PRICKLE1: variants seen among roughly 807,000 people sequenced by gnomAD.
PRICKLE1 encodes the protein prickle planar cell polarity protein 1.
A neutral mutation model predicts 70.2 loss-of-function variants in PRICKLE1; 14 were observed. The observed-to-expected ratio is 0.20, with a 90% CI of 0.13 to 0.31. The LOEUF (loss-of-function observed/expected upper bound fraction) is 0.31, where lower values mean the gene tolerates loss of function less well. Ranked by LOEUF, PRICKLE1 falls within the 10% of genes least tolerant of loss-of-function variation. The pLI is 1.00. For missense variants in PRICKLE1, 821 were observed against 1,026.2 expected, an observed-to-expected ratio of 0.80 and a Z score of 2.73; for synonymous variants, 357 against 379.9, an observed-to-expected ratio of 0.94 and a Z score of 0.70.
intron 1 of PRICKLE1, among the ~76,000 whole-genome samples, chr12:42,501,852 T>A (rs932501023): frequency 1.3e-5 from 2 of 152,196 alleles, no homozygotes; most frequent in African/African-American, 4.8e-5. Flanking sequence ...ATTTAATTAA[T>A]AGTGGAATTA....
chr12:42,481,666 T>C (rs538824065), intron 1 of PRICKLE1, among the ~76,000 whole-genome samples: 1 of 152,340 alleles, frequency 6.6e-6, no homozygotes, highest in African/African-American at 2.4e-5. Context: ...AGACTACATA[T>C]GCAGGTGAAT....
At chr12:42,527,788 T>G (rs1015936236) in intron 1 of PRICKLE1, among the ~76,000 whole-genome samples, 3 of 151,666 alleles carry the variant, frequency 2.0e-5, no homozygotes, top group Non-Finnish European at 4.4e-5. Flanking sequence ...GAAAAAAAAT[T>G]CTTTAAATAA....
intron 1 of PRICKLE1, among the ~76,000 whole-genome samples, chr12:42,545,261 C>A (rs1341989675): frequency 6.6e-6 from 1 of 152,104 alleles, no homozygotes; most frequent in Non-Finnish European, 1.5e-5. Flanking sequence ...AGCTTCTTCC[C>A]CTCAAAGTGC....
intron 1 of PRICKLE1, chr12:42,489,989 A>T (rs1421699825): frequency 6.6e-6 from 1 of 152,158 alleles, no homozygotes; most frequent in Non-Finnish European, 1.5e-5. Flanking sequence ...TGACTTAGAG[A>T]CTTCGCATTC....
intron 1 of PRICKLE1, among the ~76,000 whole-genome samples, chr12:42,536,227 G>A (rs914339105): frequency 6.6e-6 from 1 of 152,164 alleles, no homozygotes; most frequent in Non-Finnish European, 1.5e-5. Context: ...GGACTCCAAG[G>A]GGACTTTTGT....
intron 1 of PRICKLE1, among the ~76,000 whole-genome samples, chr12:42,530,918 G>C (rs142683976): frequency 5.9e-4 from 90 of 151,540 alleles, no homozygotes; most frequent in African/African-American, 2.1e-3. Context: ...TGACCTACCT[G>C]CTTCGGCCTC....
At position 42,474,338 on chromosome 12, in the gene PRICKLE1, T is replaced by C. The variant is rs143813894; in HGVS notation, c.-48-1774A>G. Among the ~76,000 whole-genome samples, 1,018 of 152,306 alleles carry C rather than the reference T, an allele frequency of 6.7e-3. 5 individuals are homozygous for C. The highest frequency in any genetic ancestry group is 0.011 in the Non-Finnish European group (760 of 68,032). ...TTTTTCTTTTATAAATGATAGGACA[T>C]TGAGAAAATTAACATTGTAACAGTT... On this transcript the variant is annotated intron_variant, in intron 1 of 7. Coordinates refer to ENST00000345127, the MANE Select transcript of PRICKLE1 (RefSeq NM_153026.3).
chr12:42,492,920 G>A (rs1204940401), intron 1 of PRICKLE1, among the ~76,000 whole-genome samples: 1 of 152,128 alleles, frequency 6.6e-6, no homozygotes, highest in Non-Finnish European at 1.5e-5. Context: ...GCATCTAGGG[G>A]ATTCTCAATA....
At chr12:42,530,437 T>A (rs1157272288) in intron 1 of PRICKLE1, among the ~76,000 whole-genome samples, 1 of 152,136 alleles carries the variant, frequency 6.6e-6, no homozygotes, top group Non-Finnish European at 1.5e-5. Flanking sequence ...CACTAAATCC[T>A]CAATAACACT....
chr12:42,547,566 C>A (rs914216886), intron 1 of PRICKLE1, among the ~76,000 whole-genome samples: 3 of 152,048 alleles, frequency 2.0e-5, no homozygotes, highest in Non-Finnish European at 2.9e-5. Context: ...GTTTTCCTAT[C>A]TGTAAAATGG....
intron 1 of PRICKLE1, among the ~76,000 whole-genome samples, chr12:42,524,184 A>G (rs1939761221): frequency 6.6e-6 from 1 of 152,250 alleles, no homozygotes; most frequent in Non-Finnish European, 1.5e-5. Context: ...ATATTTGATT[A>G]TAACAATCAA....
intron 1 of PRICKLE1, among the ~76,000 whole-genome samples, chr12:42,579,861 G>A (rs977330595): frequency 1.3e-5 from 2 of 151,668 alleles, no homozygotes; most frequent in African/African-American, 4.8e-5. Flanking sequence ...TTATTTTTTT[G>A]AGATGGAGTT....
intron 1 of PRICKLE1, among the ~76,000 whole-genome samples, chr12:42,576,321 C>G (rs991770531): frequency 2.0e-5 from 3 of 152,206 alleles, no homozygotes; most frequent in Non-Finnish European, 4.4e-5. Context: ...TTCTGTAGAT[C>G]CATTTAAGGA....
At chr12:42,529,501 T>A (rs1052388252) in intron 1 of PRICKLE1, among the ~76,000 whole-genome samples, 1 of 152,260 alleles carries the variant, frequency 6.6e-6, no homozygotes, top group Non-Finnish European at 1.5e-5. Flanking sequence ...ATTAGTTCTC[T>A]TGTTTAAAAT....
At position 42,464,712 on chromosome 12, in the gene PRICKLE1, T is replaced by A; in HGVS notation, c.1322A>T (p.Glu441Val). ...QPNEMDIRAS[E>V]HWISDNMVKS... ...AACCATGTTATCAGATATCCAGTGC[T>A]CACTGGCTCGAATATCCATCTCATT... is the stretch of plus-strand genomic sequence containing the variant. The change falls in exon 7 of 8, where the codon GAG (glutamate) becomes GTG (valine). Residue 441 changes from glutamate to valine, a missense_variant. By Grantham distance (121) the Glu-to-Val change is moderately radical. Coordinates refer to ENST00000345127, the MANE Select transcript of PRICKLE1 (RefSeq NM_153026.3). This position sits in a 1 kb window ranked among gnomAD's most constrained non-coding sequence, Gnocchi z 4.2. 6.2e-7 allele frequency: 1 copy of A among 1,614,088 alleles called. No homozygotes were observed. The highest frequency in any genetic ancestry group is 8.5e-7 in the Non-Finnish European group (1 of 1,179,994).
At chr12:42,512,819 G>T (rs11835687) in intron 1 of PRICKLE1, among the ~76,000 whole-genome samples, 3,313 of 151,976 alleles carry the variant, frequency 0.022, 110 homozygotes, top group African/African-American at 0.076. Context: ...CACCACGTTC[G>T]GCTGATTTTG....
chr12:42,575,743 C>T (rs1391309881), intron 1 of PRICKLE1, among the ~76,000 whole-genome samples: 3 of 151,862 alleles, frequency 2.0e-5, no homozygotes, highest in South Asian at 2.1e-4. Context: ...CTAAGCATAA[C>T]GCTTGTCTAA....
Position 42,459,471 on chromosome 12 carries a change from T to G in PRICKLE1, c.*338A>C. 1 of 661,638 alleles carries G rather than the reference T, an allele frequency of 1.5e-6. No individual in the cohort carries two copies. The allele number at this position is 661,638 out of a possible 1,614,324, so 41.0% of individuals were successfully genotyped here. ...TAGTGCTTTACAAAGGTGGCTGGAG[T>G]TCTCCATCTTCTAAAATCAACATCC... On this transcript the variant is annotated 3_prime_UTR_variant, in exon 8 of 8. Transcript: ENST00000345127.
intron 1 of PRICKLE1, among the ~76,000 whole-genome samples, chr12:42,530,322 T>C (rs1939888495): frequency 6.6e-6 from 1 of 152,216 alleles, no homozygotes; most frequent in Non-Finnish European, 1.5e-5. Context: ...ATGTAATTTT[T>C]TATTTCATAT....
Sources: gnomAD v4.1 joint callset for allele counts (sites outside exome capture counted in the v4.1 genomes callset) on GRCh38, gnomAD v4.1.1 for gene constraint, Gnocchi (gnomAD v3.1) non-coding constraint, MANE v1.5 for transcripts, NCBI Gene and HGNC (gene_info 2026-07-23, HGNC 2026-07-21) for gene names.